LIMCH1: variants seen among roughly 807,000 people sequenced by gnomAD.
LIMCH1 encodes the protein LIM and calponin homology domains-containing protein 1.
Under a neutral mutation model 176.5 loss-of-function variants are expected in LIMCH1, and 113 were observed. The ratio of observed to expected loss-of-function variants is 0.64; its 90% CI spans 0.55 to 0.75. The LOEUF is 0.75. Ranked by LOEUF, LIMCH1 falls within the 30% of genes least tolerant of loss-of-function variation. LIMCH1 has a pLI of 0.00. For synonymous variants in LIMCH1, 619 were observed against 645.9 expected (o/e 0.96, Z 0.63); for missense variants, 1,674 against 1,814.9 (o/e 0.92, Z 1.41).
Position 41,666,618 on chromosome 4 carries a change from A to C in LIMCH1, c.3349A>C (p.Lys1117Gln), listed in dbSNP as rs1206081987. 5 of 1,614,054 alleles carry C rather than the reference A, an allele frequency of 3.1e-6. No homozygotes were observed. The highest frequency in any genetic ancestry group is 2.7e-5 in the African/African-American group (2 of 75,066). The change falls in exon 21 of 32, where the codon AAA becomes CAA. Residue 1117 changes from lysine to glutamine, a missense_variant. Transcript: ENST00000503057. Reference sequence around the variant, plus strand: ...AACGCTGACATTTCCATTTCTGGACAAAATGCCTGAAGCCAACCAACTACA... The same window carrying C: ...AACGCTGACATTTCCATTTCTGGACCAAATGCCTGAAGCCAACCAACTACA... ...EATLTFPFLD[K>Q]MPEANQLHLP...
chr4:41,657,577 T>G (rs1174171344), intron 18 of LIMCH1, among the ~76,000 whole-genome samples: 2 of 152,240 alleles, frequency 1.3e-5, no homozygotes, highest in East Asian at 3.8e-4. Flanking sequence ...TATATCCTTC[T>G]TTTTCTCAGT....
At chr4:41,625,851 T>C (rs2092915830) in intron 7 of LIMCH1, among the ~76,000 whole-genome samples, 1 of 151,928 alleles carries the variant, frequency 6.6e-6, no homozygotes, top group Non-Finnish European at 1.5e-5. Context: ...TCTGCCCAAG[T>C]TGGGGGAGGT....
intron 1 of LIMCH1, among the ~76,000 whole-genome samples, chr4:41,412,368 T>G (rs2059572048): frequency 6.6e-6 from 1 of 152,188 alleles, no homozygotes; most frequent in Non-Finnish European, 1.5e-5. Flanking sequence ...GGTGCTGAAT[T>G]GCATATCTCA....
intron 1 of LIMCH1, among the ~76,000 whole-genome samples, chr4:41,444,153 G>A (rs144446704): frequency 5.5e-4 from 83 of 152,204 alleles, no homozygotes; most frequent in Admixed American, 2.2e-3. Context: ...TTCTAAAGAT[G>A]TAGAGACTCA....
chr4:41,535,176 A>AG (rs2077757344), upstream of LIMCH1, among the ~76,000 whole-genome samples: 1 of 151,036 alleles, frequency 6.6e-6, no homozygotes, highest in Admixed American at 6.6e-5. Context: ...AAAAAAAAAA[A>AG]AAAAAAAAGA....
At chr4:41,602,030 ACT>A (rs1405984563) in intron 2 of LIMCH1, among the ~76,000 whole-genome samples, 1 of 144,190 alleles carries the variant, frequency 6.9e-6, no homozygotes, top group East Asian at 2.0e-4. Flanking sequence ...TTCAGAAAAT[ACT>A]CTTTCATTTA....
rs1457424496 is a variant in LIMCH1 at position 41,595,525 on chromosome 4, CAAT to C, written c.-240-3392_-240-3390del. Among the ~76,000 whole-genome samples, 3 of 152,236 alleles carry C rather than the reference CAAT, an allele frequency of 2.0e-5. No homozygotes were observed. The East Asian group carries it at 5.8e-4, about 29-fold the overall frequency. The stretch of plus-strand genomic sequence containing the variant: ...CAACTACTCCTCTAGAAAATGGAGA[CAAT>C]AACAGTACCTGCTGTGTATGGCTGT... On this transcript the variant is annotated intron_variant, in intron 1 of 31. Coordinates refer to ENST00000503057, the MANE Select transcript of LIMCH1 (RefSeq NM_001330672.2).
chr4:41,449,362 T>C (rs1252643701), intron 1 of LIMCH1, among the ~76,000 whole-genome samples: 1 of 152,222 alleles, frequency 6.6e-6, no homozygotes, highest in Non-Finnish European at 1.5e-5. Context: ...CCTCTTCTGC[T>C]AGTTTTCCTT....
At chr4:41,471,063 A>G (rs915130674) in intron 1 of LIMCH1, among the ~76,000 whole-genome samples, 15 of 149,220 alleles carry the variant, frequency 1.0e-4, no homozygotes, top group Admixed American at 4.7e-4. Flanking sequence ...ATGGAAGACT[A>G]ATCATGTCTA....
In LIMCH1 at chr4:41,360,906, C is replaced by T. The variant is rs1268640623; in HGVS notation, c.66C>T (p.Pro22=). The T allele has an allele frequency of 6.3e-7, 1 of 1,588,380 alleles. No individual in the cohort carries two copies. The highest frequency in any genetic ancestry group is 1.8e-5 in the Admixed American group (1 of 55,686). The change falls in exon 1 of 27, where the codon CCC becomes CCT. Residue 22 remains proline (P), a synonymous_variant. Coordinates refer to the LIMCH1 transcript ENST00000313860. The surrounding 1 kb of genome is among the most constrained non-coding windows in gnomAD (Gnocchi z 4.5). ...TGCAGCCCGAGCCGCCCCCCGAGCC[C>T]GCCTTCTCCGAGGCGCAGAAGTGGA...
At chr4:41,613,726 C>T in intron 5 of LIMCH1, 65 bp downstream of exon 5, 1 of 1,418,012 alleles carries the variant, frequency 7.1e-7, no homozygotes, top group East Asian at 2.3e-5. Flanking sequence ...TGCATTGCGC[C>T]TGGCAGAGGG....
intron 23 of LIMCH1, among the ~76,000 whole-genome samples, chr4:41,678,930 A>G (rs962856279): frequency 1.3e-5 from 2 of 152,174 alleles, no homozygotes; most frequent in Non-Finnish European, 2.9e-5. Flanking sequence ...AAACTTTACA[A>G]TACTTGGTTT....
At chr4:41,431,446 A>G (rs535332328) in intron 1 of LIMCH1, among the ~76,000 whole-genome samples, 1 of 152,322 alleles carries the variant, frequency 6.6e-6, no homozygotes, top group African/African-American at 2.4e-5. Flanking sequence ...TATATGGTTT[A>G]TATAAAATGC....
intron 18 of LIMCH1, among the ~76,000 whole-genome samples, chr4:41,659,332 C>T (rs2094547807): frequency 1.3e-5 from 2 of 152,132 alleles, no homozygotes; most frequent in Non-Finnish European, 2.9e-5. Flanking sequence ...AGAATTGATA[C>T]ATGACTATCT....
intron 1 of LIMCH1, among the ~76,000 whole-genome samples, chr4:41,384,046 A>G (rs2056110598): frequency 1.3e-5 from 2 of 152,168 alleles, no homozygotes; most frequent in Admixed American, 1.3e-4. Flanking sequence ...CAAATAATGA[A>G]CTGAAAAGTG....
chr4:41,461,650 G>A (rs1172201233), intron 1 of LIMCH1, among the ~76,000 whole-genome samples: 1 of 152,188 alleles, frequency 6.6e-6, no homozygotes, highest in Non-Finnish European at 1.5e-5. Flanking sequence ...CTGGGGTTGT[G>A]TTGAGGGCCA....
intron 9 of LIMCH1, among the ~76,000 whole-genome samples, chr4:41,630,870 C>T (rs185064913): frequency 4.5e-4 from 69 of 152,264 alleles, no homozygotes; most frequent in Admixed American, 4.2e-3. Flanking sequence ...ATACCTTATA[C>T]GTGTATACCT....
At chr4:41,492,004 G>A (rs1361836257) in intron 1 of LIMCH1, among the ~76,000 whole-genome samples, 5 of 152,212 alleles carry the variant, frequency 3.3e-5, no homozygotes, top group Admixed American at 6.5e-5. Flanking sequence ...ACGGGGTGGC[G>A]GGCAGGCAGA....
chr4:41,631,583 T>A, intron 10 of LIMCH1, 106 bp downstream of exon 10: 1 of 927,658 alleles, frequency 1.1e-6, no homozygotes, highest in Non-Finnish European at 1.6e-6. Flanking sequence ...GACATAGTTT[T>A]AACAGACTAT....
Sources: allele counts gnomAD v4.1 joint callset (sites outside exome capture counted in the v4.1 genomes callset), GRCh38; gene constraint gnomAD v4.1.1; non-coding constraint Gnocchi (gnomAD v3.1); transcripts MANE v1.5; gene names NCBI Gene and HGNC (gene_info 2026-07-23, HGNC 2026-07-21).